Variants in DHX9 observed in about 807,000 individuals in gnomAD.
DHX9 encodes ATP-dependent RNA helicase A.
Under a neutral mutation model 148.7 loss-of-function variants are expected in DHX9, and 27 were observed. The observed-to-expected ratio is 0.18, with a 90% CI of 0.13 to 0.25. The LOEUF (loss-of-function observed/expected upper bound fraction) is 0.25, where lower values mean the gene tolerates loss of function less well. Among genes scored for constraint, DHX9 ranks in the 10% least tolerant of loss-of-function variants. The pLI is 1.00. For synonymous variants in DHX9, 529 were observed against 516.6 expected (o/e 1.02, Z -0.33); for missense variants, 796 against 1,559.6 (o/e 0.51, Z 8.25).
intron 4 of DHX9, among the ~76,000 whole-genome samples, chr1:182,853,009 C>T (rs1668183259): frequency 9.5e-6 from 1 of 105,496 alleles, no homozygotes. Context: ...TCACTGCAAC[C>T]TCCACCTCCC....
At position 182,866,346 on chromosome 1, in the gene DHX9, G is replaced by A. The variant is rs1270483041; in HGVS notation, c.1333-98G>A. On this transcript the variant is annotated intron_variant, in intron 12 of 27. Transcript: ENST00000367549. Reference sequence around the variant, plus strand: ...ATTGTTTCTGTTAATTATTCAACTAGCAGTAGGACAGATTTACTACAATAA... The same window carrying A: ...ATTGTTTCTGTTAATTATTCAACTAACAGTAGGACAGATTTACTACAATAA... 3.4e-6 allele frequency: 4 copies of A among 1,180,012 alleles called. No homozygotes were observed. The East Asian group carries it at 9.9e-5, about 29-fold the overall frequency. The allele number at this position is 1,180,012 out of a possible 1,614,324, so 73.1% of individuals were successfully genotyped here.
intron 27 of DHX9, among the ~76,000 whole-genome samples, chr1:182,886,249 G>A (rs1450769358): frequency 2.6e-5 from 4 of 151,730 alleles, no homozygotes; most frequent in Non-Finnish European, 2.9e-5. Context: ...AGGCTGGAGT[G>A]CAGTGGTGCC....
chr1:182,862,248 A>G (rs189144928), intron 12 of DHX9, among the ~76,000 whole-genome samples: 59 of 152,334 alleles, frequency 3.9e-4, no homozygotes, highest in Admixed American at 1.3e-3. Context: ...CTCAGTTCAC[A>G]GAGCACAAGT....
At chr1:182,843,592 T>C (rs578137112) in intron 3 of DHX9, among the ~76,000 whole-genome samples, 158 bp downstream of exon 3, 8 of 152,322 alleles carry the variant, frequency 5.3e-5, no homozygotes, top group African/African-American at 1.9e-4. Context: ...CTGGACAAAA[T>C]TTCTGAAGAT....
Position 182,868,520 on chromosome 1 carries a change from C to CTTTTTTTTTTTTTTTTTTTTTTTTTT in DHX9, c.1557+1491_1557+1492insTTTTTTTTTTTTTTTTTTTTTTTTTT, listed in dbSNP as rs59218081. Among the ~76,000 whole-genome samples, 78 of 127,492 alleles carry CTTTTTTTTTTTTTTTTTTTTTTTTTT rather than the reference C, an allele frequency of 6.1e-4. 8 individuals are homozygous for CTTTTTTTTTTTTTTTTTTTTTTTTTT. Among genetic ancestry groups the CTTTTTTTTTTTTTTTTTTTTTTTTTT allele is most frequent in the African/African-American group, 2.7e-3 (74 of 27,850 alleles). The allele number at this position is 127,492 out of a possible 152,430, so 83.6% of individuals were successfully genotyped here. A position where few individuals can be genotyped will look rare whatever the true frequency, so the allele number is the denominator to read the frequency against. On this transcript the variant is annotated intron_variant, in intron 14 of 27. Coordinates refer to ENST00000367549, the MANE Select transcript of DHX9 (RefSeq NM_001357.5). ...GATAATCTAACACTTATTTTAATTC[C>CTTTTTTTTTTTTTTTTTTTTTTTTTT]TTTTTTTTTTTTTTGAGGAGTCTTG...
intron 11 of DHX9, 78 bp from the exon 12 acceptor site, chr1:182,859,915 A>G (rs1444080201): frequency 1.4e-6 from 2 of 1,423,934 alleles, no homozygotes; most frequent in Admixed American, 2.1e-5. Context: ...ATAGAGATGG[A>G]AGTTTTTTAA....
chr1:182,872,646 T>G (rs16865325), intron 15 of DHX9, among the ~76,000 whole-genome samples, 153 bp downstream of exon 15: 11,896 of 152,268 alleles, frequency 0.078, 1,234 homozygotes, highest in African/African-American at 0.24. Context: ...GGAGTTTCTC[T>G]TCTGTTATTT....
At chr1:182,860,886 C>T (rs899121706) in intron 12 of DHX9, among the ~76,000 whole-genome samples, 1 of 152,218 alleles carries the variant, frequency 6.6e-6, no homozygotes, top group Admixed American at 6.5e-5. Context: ...CCCTGTACTT[C>T]TGGCACTTTG....
chr1:182,856,697 A>C, intron 7 of DHX9, 119 bp downstream of exon 7: 1 of 806,660 alleles, frequency 1.2e-6, no homozygotes, highest in East Asian at 2.5e-5. Context: ...ATAATGTAAG[A>C]TAGCATCTAG....
intron 12 of DHX9, among the ~76,000 whole-genome samples, chr1:182,861,947 A>G (rs1328314408): frequency 1.3e-5 from 2 of 152,224 alleles, no homozygotes; most frequent in Non-Finnish European, 2.9e-5. Context: ...AAGGTACAGT[A>G]AGTCTAAGAT....
chr1:182,874,619 C>A (rs1436475626), intron 15 of DHX9, among the ~76,000 whole-genome samples: 3 of 152,174 alleles, frequency 2.0e-5, no homozygotes, highest in Non-Finnish European at 2.9e-5. Context: ...GATACCCCAA[C>A]TGGCTCTGGG....
At chr1:182,866,734 G>A (rs553603668) in intron 13 of DHX9, 149 bp downstream of exon 13, 1 of 1,053,724 alleles carries the variant, frequency 9.5e-7, no homozygotes, top group Non-Finnish European at 1.4e-6. Context: ...TTCCTTCATG[G>A]AAAGTATGAT....
chr1:182,855,425 T>C (rs561444245), intron 6 of DHX9, among the ~76,000 whole-genome samples: 7 of 152,322 alleles, frequency 4.6e-5, no homozygotes, highest in African/African-American at 1.7e-4. Flanking sequence ...CAGGACAGCA[T>C]TGCTCTTTGT....
intron 27 of DHX9, among the ~76,000 whole-genome samples, chr1:182,885,879 T>G (rs1219810948): frequency 6.6e-6 from 1 of 152,206 alleles, no homozygotes; most frequent in East Asian, 1.9e-4. Flanking sequence ...CATGGGTGTT[T>G]AGGAGAAGAG....
At position 182,887,862 on chromosome 1, in the gene DHX9, T is replaced by C. The variant is rs1410836115; in HGVS notation, c.*428T>C. ...GTTGTACCCTGTTTCAAAAGTATAC[T>C]AAGTGATACTACTTGTAATAGAATA... On this transcript the variant is annotated 3_prime_UTR_variant, in exon 28 of 28. Coordinates refer to ENST00000367549, the MANE Select transcript of DHX9 (RefSeq NM_001357.5). The C allele has an allele frequency of 5.7e-6, 1 of 175,376 alleles. No individual in the cohort carries two copies. The highest frequency in any genetic ancestry group is 2.7e-3 in the Middle Eastern group (1 of 366). The allele number at this position is 175,376 out of a possible 1,614,324, so 10.9% of individuals were successfully genotyped here.
intron 26 of DHX9, 64 bp downstream of exon 26, chr1:182,883,699 C>T: frequency 8.6e-7 from 1 of 1,166,192 alleles, no homozygotes. Flanking sequence ...TGGAATTCAG[C>T]TGCTAATCTA....
chr1:182,864,294 G>C (rs903194950), intron 12 of DHX9, among the ~76,000 whole-genome samples: 1 of 152,148 alleles, frequency 6.6e-6, no homozygotes, highest in Non-Finnish European at 1.5e-5. Context: ...GTGTTGCCCA[G>C]GCTGGTCTTG....
chr1:182,858,040 TGATAA>T, intron 7 of DHX9, 59 bp from the exon 8 acceptor site: 1 of 1,534,118 alleles, frequency 6.5e-7, no homozygotes, highest in South Asian at 1.3e-5. Flanking sequence ...TAGTTTCTTG[TGATAA>T]GATGTTTCTT....
chr1:182,867,001 C>G lies in DHX9; in HGVS notation c.1515C>G (p.Ile505Met), dbSNP rs1280753442. 6.2e-7 allele frequency: 1 copy of G among 1,606,754 alleles called. No homozygotes were observed. Among genetic ancestry groups the G allele is most frequent in the Non-Finnish European group, 8.5e-7 (1 of 1,178,258 alleles). ...LRKLEAGIRG[I>M]SHVIVDEIHE... ...AATTAGAAGCAGGCATTCGAGGAAT[C>G]AGTCATGTAATTGTAGATGAAATAC... is the stretch of plus-strand genomic sequence containing the variant. Residue 505 changes from isoleucine to methionine, a missense_variant, in exon 14 of 28, where the codon ATC (isoleucine) becomes ATG (methionine). Physicochemically the swap from Ile to Met is conservative, Grantham distance 10 (BLOSUM62 1). Transcript: ENST00000367549.
Sources: gnomAD v4.1 joint callset for allele counts (sites outside exome capture counted in the v4.1 genomes callset) on GRCh38, gnomAD v4.1.1 for gene constraint, MANE v1.5 for transcripts, NCBI Gene and HGNC (gene_info 2026-07-23, HGNC 2026-07-21) for gene names.